Variants in EARS2 observed in about 807,000 individuals in gnomAD.
EARS2 encodes glutamyl-tRNA synthetase 2, mitochondrial.
A neutral mutation model predicts 54.1 loss-of-function variants in EARS2; 50 were observed. The ratio of observed to expected loss-of-function variants is 0.92; its 90% CI spans 0.74 to 1.17. The LOEUF (loss-of-function observed/expected upper bound fraction) is 1.17. Ranked by LOEUF, EARS2 falls within the 50% of genes most tolerant of loss-of-function variation. The pLI, the probability that EARS2 is intolerant of heterozygous loss-of-function variation, is 0.00. For missense variants in EARS2, 673 were observed against 675.0 expected (o/e 1.00, Z 0.03); for synonymous variants, 298 against 281.0 (o/e 1.06, Z -0.61).
chr16:23,549,752 G>A (rs941443901), intron 2 of EARS2, among the ~76,000 whole-genome samples: 35 of 152,110 alleles, frequency 2.3e-4, no homozygotes, highest in African/African-American at 7.7e-4. Context: ...CCCTGTGCCC[G>A]ACCTGGCAAG....
intron 5 of EARS2, among the ~76,000 whole-genome samples, chr16:23,531,926 G>A (rs1284056087): frequency 2.0e-5 from 3 of 151,910 alleles, no homozygotes; most frequent in East Asian, 1.9e-4. Context: ...AGTGATCCTC[G>A]TGCCTCAGCC....
At chr16:23,536,158 A>G (rs571204269) in intron 3 of EARS2, among the ~76,000 whole-genome samples, 1 of 152,304 alleles carries the variant, frequency 6.6e-6, no homozygotes, top group East Asian at 1.9e-4. Context: ...CTGAACATTA[A>G]CTAGGTCCCC....
chr16:23,550,357 AT>A (rs1380520617), intron 2 of EARS2, among the ~76,000 whole-genome samples: 1 of 146,448 alleles, frequency 6.8e-6, no homozygotes, highest in Non-Finnish European at 1.5e-5. Flanking sequence ...ACAGAGCAAG[AT>A]TTTGTTTGTT....
At position 23,534,980 on chromosome 16, in the gene EARS2, T is replaced by A; in HGVS notation, c.866A>T (p.Gln289Leu). Residue 289 changes from glutamine to leucine, a missense_variant, in exon 4 of 9, where the codon CAA becomes CTA. Physicochemically the swap from Gln to Leu is moderately radical, Grantham distance 113. Coordinates refer to ENST00000449606, the MANE Select transcript of EARS2 (RefSeq NM_001083614.2). ...AAAGTGCTCCAGGAAAACGTCCCCTTGCCTCTTGGAGAGCTTGCTGCCATC... is the reference window on the plus strand; with the variant it reads ...AAAGTGCTCCAGGAAAACGTCCCCTAGCCTCTTGGAGAGCTTGCTGCCATC... Reference protein sequence around the residue: ...NRDGSKLSKRQGDVFLEHFAA... With the variant: ...NRDGSKLSKRLGDVFLEHFAA... 6.2e-7 allele frequency: 1 copy of A among 1,612,292 alleles called. No individual in the cohort carries two copies. Among genetic ancestry groups the A allele is most frequent in the Admixed American group, 1.7e-5 (1 of 59,936 alleles).
In EARS2 at chr16:23,521,826, T is replaced by G. The variant is rs181442353; in HGVS notation, c.*2545A>C. On this transcript the variant is annotated 3_prime_UTR_variant, in exon 9 of 9. Coordinates refer to ENST00000449606, the MANE Select transcript of EARS2 (RefSeq NM_001083614.2). ...GAGCCAAGAAGCTCCTTTTAACCAT[T>G]CTTAATGTCTTAGAAACAGATGCTC... The G allele has an allele frequency of 2.2e-4, 99 of 455,790 alleles. No individual in the cohort carries two copies. The highest frequency in any genetic ancestry group is 1.8e-3 in the African/African-American group (91 of 50,190). The allele number at this position is 455,790 out of a possible 1,614,324, so 28.2% of individuals were successfully genotyped here.
In EARS2 at chr16:23,557,302, A is replaced by G; in HGVS notation, c.42T>C (p.Pro14=). ...CTACGGGGCGGCCAGAGGCCGCCGA[A>G]GGCCTCTCGCGCTGCAGCAGTCTCC... ...LLRRLLQRER[P]SAASGRPVGR... is the part of the protein sequence containing the mutation. Residue 14 remains proline (P), a synonymous_variant, in exon 1 of 9, where the codon CCT becomes CCC. Transcript: ENST00000449606. 1.3e-6 allele frequency: 2 copies of G among 1,518,368 alleles called. No individual in the cohort carries two copies. Among genetic ancestry groups the G allele is most frequent in the Non-Finnish European group, 1.7e-6 (2 of 1,144,136 alleles). 94.1% of individuals were successfully genotyped at this position (1,518,368 alleles called of 1,614,324 possible). A position where few individuals can be genotyped will look rare whatever the true frequency, so the allele number is the denominator to read the frequency against.
Position 23,529,578 on chromosome 16 carries a change from T to A in EARS2, c.1276A>T (p.Thr426Ser). 6.2e-7 allele frequency: 1 copy of A among 1,613,608 alleles called. No individual in the cohort carries two copies. The highest frequency in any genetic ancestry group is 8.5e-7 in the Non-Finnish European group (1 of 1,179,906). ...LVSPVYSYLWTRPAVGRAQLD... is the reference protein window; with the variant it reads ...LVSPVYSYLWSRPAVGRAQLD... Reference sequence around the variant, plus strand: ...TGTGCTCGACCTACTGCAGGGCGAGTCCACAGGTAAGAGTATACTGGGGAC... The same window carrying A: ...TGTGCTCGACCTACTGCAGGGCGAGACCACAGGTAAGAGTATACTGGGGAC... The change falls in exon 7 of 9, where the codon ACT becomes TCT. Residue 426 changes from threonine (T) to serine (S), a missense_variant. Thr to Ser is a moderately conservative substitution (Grantham distance 58). Coordinates refer to ENST00000449606, the MANE Select transcript of EARS2 (RefSeq NM_001083614.2).
chr16:23,529,001 C>T (rs924807654), intron 7 of EARS2, among the ~76,000 whole-genome samples: 1 of 152,124 alleles, frequency 6.6e-6, no homozygotes, highest in African/African-American at 2.4e-5. Flanking sequence ...AGAGCGAAAG[C>T]GAATCTTGGT....
chr16:23,555,944 A>G (rs1268850702), intron 1 of EARS2, among the ~76,000 whole-genome samples: 1 of 152,274 alleles, frequency 6.6e-6, no homozygotes, highest in African/African-American at 2.4e-5. Flanking sequence ...TAACCCAAAT[A>G]AAATGAGATT....
chr16:23,556,625 C>A (rs1055224695), intron 1 of EARS2: 55 of 312,714 alleles, frequency 1.8e-4, no homozygotes, highest in South Asian at 1.2e-3. Flanking sequence ...TCCCAAAGTG[C>A]TGGGATTACA....
chr16:23,536,491 TACAAA>T (rs1219278182), intron 3 of EARS2, among the ~76,000 whole-genome samples: 2 of 151,718 alleles, frequency 1.3e-5, no homozygotes, highest in Admixed American at 6.6e-5. Context: ...ACTCTGTCTC[TACAAA>T]ACAAAACAAA....
intron 2 of EARS2, among the ~76,000 whole-genome samples, chr16:23,551,792 G>A (rs1341961427): frequency 1.3e-5 from 2 of 152,118 alleles, no homozygotes; most frequent in African/African-American, 2.4e-5. Context: ...GTGGTGGCGG[G>A]CGCCTGTAGT....
chr16:23,549,147 C>T (rs1002500553), intron 2 of EARS2, among the ~76,000 whole-genome samples: 4 of 152,174 alleles, frequency 2.6e-5, no homozygotes, highest in African/African-American at 4.8e-5. Flanking sequence ...AGCTGTAACA[C>T]GCTCCCACTC....
At position 23,529,484 on chromosome 16, in the gene EARS2, C is replaced by T. The variant is rs1360229383; in HGVS notation, c.1352+18G>A. 2.5e-6 allele frequency: 4 copies of T among 1,610,444 alleles called. No homozygotes were observed. The African/African-American group carries it at 4.0e-5, about 16-fold the overall frequency. ...GAAGGAGGGTGTGGAACCCTGAGCT[C>T]AGCCTGCGGGTACTCACCCCAGCAC... is the stretch of plus-strand genomic sequence containing the variant. On this transcript the variant is annotated intron_variant, in intron 7 of 8. Coordinates refer to ENST00000449606, the MANE Select transcript of EARS2 (RefSeq NM_001083614.2).
intron 3 of EARS2, among the ~76,000 whole-genome samples, chr16:23,542,935 C>T (rs112706762): frequency 0.072 from 10,122 of 139,786 alleles, 450 homozygotes; most frequent in Non-Finnish European, 0.1. Context: ...GGCAACATGG[C>T]GAAACCCTCT....
At chr16:23,553,082 C>T (rs1263456882) in intron 1 of EARS2, 2 of 378,354 alleles carry the variant, frequency 5.3e-6, no homozygotes, top group Non-Finnish European at 1.1e-5. Context: ...GAGCCATGAT[C>T]ACGCCTCTGC....
intron 2 of EARS2, among the ~76,000 whole-genome samples, chr16:23,551,385 G>C (rs1457263833): frequency 2.0e-5 from 3 of 152,306 alleles, no homozygotes; most frequent in East Asian, 3.9e-4. Context: ...GGAGGCTGTA[G>C]CAGGAGGATT....
At chr16:23,546,078 A>C (rs1229621322) in intron 2 of EARS2, among the ~76,000 whole-genome samples, 2 of 152,244 alleles carry the variant, frequency 1.3e-5, no homozygotes, top group Non-Finnish European at 2.9e-5. Context: ...CAAATGTGTC[A>C]GTGCTTATAA....
chr16:23,540,847 C>G (rs1463236488), intron 3 of EARS2, among the ~76,000 whole-genome samples: 1 of 151,968 alleles, frequency 6.6e-6, no homozygotes, highest in Non-Finnish European at 1.5e-5. Flanking sequence ...TTAAATTAGC[C>G]AAGTGTGGTG....
Sources: allele counts gnomAD v4.1 joint callset (sites outside exome capture counted in the v4.1 genomes callset), GRCh38; gene constraint gnomAD v4.1.1; transcripts MANE v1.5; gene names NCBI Gene and HGNC (gene_info 2026-07-23, HGNC 2026-07-21).